CTNNA2: variants seen among roughly 807,000 people sequenced by gnomAD.
CTNNA2 encodes catenin alpha-2.
CTNNA2 carries 42 observed loss-of-function variants against 101.0 expected under a neutral mutation model. That is an observed-to-expected ratio of 0.42 (90% confidence interval 0.32 to 0.54). The LOEUF (loss-of-function observed/expected upper bound fraction) is 0.54. Among genes scored for constraint, CTNNA2 ranks in the 20% least tolerant of loss-of-function variants. The pLI is 0.14. For missense variants in CTNNA2, 871 were observed against 1,223.1 expected (o/e 0.71, Z 4.29); for synonymous variants, 450 against 456.4 (o/e 0.99, Z 0.18).
intron 1 of CTNNA2, among the ~76,000 whole-genome samples, chr2:79,556,094 ATCC>A (rs1674427341): frequency 6.6e-6 from 1 of 152,088 alleles, no homozygotes; most frequent in African/African-American, 2.4e-5. Context: ...TGAGTAATAT[ATCC>A]TCCTCCATAT....
chr2:80,187,107 G>A (rs187321642), intron 7 of CTNNA2, among the ~76,000 whole-genome samples: 1 of 152,288 alleles, frequency 6.6e-6, no homozygotes, highest in African/African-American at 2.4e-5. Flanking sequence ...GGCCCATTCT[G>A]CAATTGGTAT....
intron 1 of CTNNA2, among the ~76,000 whole-genome samples, chr2:79,531,960 A>G (rs754053265): frequency 1.3e-5 from 2 of 152,124 alleles, no homozygotes; most frequent in Admixed American, 6.6e-5. Flanking sequence ...GATTACAGGC[A>G]TGAGCCACCG....
intron 7 of CTNNA2, among the ~76,000 whole-genome samples, chr2:80,262,990 G>A (rs949369876): frequency 2.0e-5 from 3 of 151,796 alleles, no homozygotes; most frequent in African/African-American, 7.3e-5. Flanking sequence ...AAATTCTAAC[G>A]TGCCAGAACG....
At chr2:79,494,349 CA>C in intron 4 of CTNNA2, among the ~76,000 whole-genome samples, 1 of 150,822 alleles carries the variant, frequency 6.6e-6, no homozygotes, top group Non-Finnish European at 1.5e-5. Flanking sequence ...TCTAGAATAG[CA>C]AAATCAGTCT....
intron 7 of CTNNA2, among the ~76,000 whole-genome samples, chr2:80,059,011 T>TA (rs1389789198): frequency 1.3e-5 from 2 of 152,232 alleles, no homozygotes; most frequent in African/African-American, 2.4e-5. Flanking sequence ...TCTTTTCTTC[T>TA]GCTTTTTGCT....
intron 7 of CTNNA2, among the ~76,000 whole-genome samples, chr2:80,201,976 C>A (rs1707239970): frequency 6.6e-6 from 1 of 152,152 alleles, no homozygotes; most frequent in African/African-American, 2.4e-5. Context: ...CCCTTCACCA[C>A]CCCAACTGAG....
At chr2:79,835,666 G>GTTTTTTGTTTTTTGTTTTTTTTTT (rs1679276639) in intron 3 of CTNNA2, among the ~76,000 whole-genome samples, 1 of 58,618 alleles carries the variant, frequency 1.7e-5, no homozygotes, top group African/African-American at 7.3e-5. Context: ...GCCTCTCTTT[G>GTTTTTTGTTTTTTGTTTTTTTTTT]TTTTTTTTTT....
chr2:80,498,749 A>C (rs961740530), intron 9 of CTNNA2, among the ~76,000 whole-genome samples: 2 of 152,342 alleles, frequency 1.3e-5, no homozygotes, highest in Non-Finnish European at 2.9e-5. Context: ...CGATTTCTTA[A>C]TATGTTTGAA....
At chr2:79,609,931 T>C (rs1678154907) in intron 1 of CTNNA2, among the ~76,000 whole-genome samples, 1 of 152,098 alleles carries the variant, frequency 6.6e-6, no homozygotes, top group Non-Finnish European at 1.5e-5. Flanking sequence ...AAATTGAGCT[T>C]CATCAAAAGT....
At chr2:80,456,646 T>G (rs772692922) in intron 9 of CTNNA2, among the ~76,000 whole-genome samples, 4 of 152,204 alleles carry the variant, frequency 2.6e-5, no homozygotes, top group Non-Finnish European at 5.9e-5. Flanking sequence ...TAGGCCCACA[T>G]TGAAAACCCA....
intron 7 of CTNNA2, among the ~76,000 whole-genome samples, chr2:80,027,642 T>C (rs1695016895): frequency 6.6e-6 from 1 of 151,952 alleles, no homozygotes; most frequent in South Asian, 2.1e-4. Flanking sequence ...TTCTATCAGA[T>C]TTGGAGTACC....
intron 1 of CTNNA2, among the ~76,000 whole-genome samples, chr2:79,533,318 A>G (rs1048345179): frequency 2.0e-5 from 3 of 152,120 alleles, no homozygotes; most frequent in South Asian, 2.1e-4. Flanking sequence ...ATACCTTACA[A>G]TGTGTATCAC....
chr2:80,540,868 G>A (rs1480150216), intron 9 of CTNNA2, among the ~76,000 whole-genome samples: 1 of 151,798 alleles, frequency 6.6e-6, no homozygotes, highest in Non-Finnish European at 1.5e-5. Flanking sequence ...GCTATTTTTT[G>A]TATTTTTAGT....
At chr2:79,713,848 C>T (rs530546118) in intron 2 of CTNNA2, among the ~76,000 whole-genome samples, 4 of 152,296 alleles carry the variant, frequency 2.6e-5, no homozygotes, top group African/African-American at 4.8e-5. Context: ...TTATTACTTA[C>T]GCCCAAGGTG....
chr2:80,606,495 T>G (rs952897304), intron 16 of CTNNA2, among the ~76,000 whole-genome samples: 3 of 151,622 alleles, frequency 2.0e-5, no homozygotes, highest in African/African-American at 7.3e-5. Context: ...ATAAACGGAT[T>G]AAGTTTAAAC....
chr2:79,796,431 A>G (rs575009603), intron 3 of CTNNA2, among the ~76,000 whole-genome samples: 2 of 151,192 alleles, frequency 1.3e-5, no homozygotes, highest in East Asian at 3.9e-4. Flanking sequence ...AACTATGCCC[A>G]AGTTGGTGAT....
intron 1 of CTNNA2, among the ~76,000 whole-genome samples, chr2:79,597,004 A>G (rs1481943607): frequency 1.3e-5 from 2 of 152,172 alleles, no homozygotes; most frequent in Non-Finnish European, 2.9e-5. Context: ...GGACACATCC[A>G]CCTTGCATAG....
chr2:80,220,522 G>C (rs1377175174), intron 7 of CTNNA2, among the ~76,000 whole-genome samples: 2 of 152,184 alleles, frequency 1.3e-5, no homozygotes, highest in African/African-American at 4.8e-5. Context: ...AGGAGTTTGA[G>C]ACCAGCCTGG....
chr2:80,172,821 A>G (rs1055276912), intron 7 of CTNNA2, among the ~76,000 whole-genome samples: 9 of 152,126 alleles, frequency 5.9e-5, no homozygotes, highest in African/African-American at 2.2e-4. Flanking sequence ...TCAAGTTCAC[A>G]TGGTGCACTC....
Sources: allele counts gnomAD v4.1 joint callset (sites outside exome capture counted in the v4.1 genomes callset), GRCh38; gene constraint gnomAD v4.1.1; transcripts MANE v1.5; gene names NCBI Gene and HGNC (gene_info 2026-07-23, HGNC 2026-07-21).